The following ANKRD44 variants were observed in gnomAD, a reference collection of about 807,000 sequenced individuals.
ANKRD44 encodes ankyrin repeat domain 44, also known as serine/threonine-protein phosphatase 6 regulatory ankyrin repeat subunit B.
A neutral mutation model predicts 116.0 loss-of-function variants in ANKRD44; 35 were observed. The ratio of observed to expected loss-of-function variants is 0.30; its 90% CI spans 0.23 to 0.40. The LOEUF is 0.40. ANKRD44 is among the 10% of genes least tolerant of loss of function. The pLI is 1.00. For synonymous variants in ANKRD44, 435 were observed against 461.8 expected (o/e 0.94, Z 0.74); for missense variants, 1,014 against 1,242.6 (o/e 0.82, Z 2.77).
At chr2:197,219,218 T>G (rs2081528450) in intron 1 of ANKRD44, among the ~76,000 whole-genome samples, 1 of 151,966 alleles carries the variant, frequency 6.6e-6, no homozygotes, top group Non-Finnish European at 1.5e-5. Context: ...TACAGGCATA[T>G]GCCACCACAT....
At chr2:197,139,718 A>G (rs2079310624) in intron 3 of ANKRD44, among the ~76,000 whole-genome samples, 2 of 152,126 alleles carry the variant, frequency 1.3e-5, no homozygotes, top group South Asian at 2.1e-4. Context: ...ATGGATATTC[A>G]CTATATTATT....
chr2:197,244,408 A>G (rs989209078), intron 1 of ANKRD44, among the ~76,000 whole-genome samples: 4 of 152,250 alleles, frequency 2.6e-5, no homozygotes, highest in Non-Finnish European at 5.9e-5. Context: ...ACTGGTCAGT[A>G]TATAAGCAGC....
intron 2 of ANKRD44, among the ~76,000 whole-genome samples, chr2:197,152,178 G>A (rs1221094643): frequency 6.6e-6 from 1 of 152,168 alleles, no homozygotes. Context: ...TATAGTGGCC[G>A]AGCTAAGTGC....
At chr2:197,255,130 C>A (rs1214668987) in intron 1 of ANKRD44, among the ~76,000 whole-genome samples, 1 of 152,150 alleles carries the variant, frequency 6.6e-6, no homozygotes, top group Non-Finnish European at 1.5e-5. Context: ...CCATATGTTC[C>A]ACAACTATGG....
chr2:196,996,902 CAAAAAA>C (rs55760106), intron 25 of ANKRD44, among the ~76,000 whole-genome samples: 2 of 88,982 alleles, frequency 2.2e-5, no homozygotes, highest in East Asian at 6.2e-4. Context: ...GACTCTGCCT[CAAAAAA>C]AAAAAAAAAA....
intron 16 of ANKRD44, among the ~76,000 whole-genome samples, chr2:197,042,337 C>T (rs1298156163): frequency 6.6e-6 from 1 of 152,124 alleles, no homozygotes; most frequent in Non-Finnish European, 1.5e-5. Flanking sequence ...CAGTCCTACT[C>T]CTGTTACCTT....
chr2:197,139,422 C>T (rs541544210), intron 3 of ANKRD44, among the ~76,000 whole-genome samples: 18 of 152,168 alleles, frequency 1.2e-4, no homozygotes, highest in African/African-American at 4.1e-4. Context: ...CAGAATTATA[C>T]CTATGGCATA....
intron 2 of ANKRD44, among the ~76,000 whole-genome samples, chr2:197,170,207 A>AAAAC (rs2080198855): frequency 6.7e-6 from 1 of 148,918 alleles, no homozygotes; most frequent in Non-Finnish European, 1.5e-5. Flanking sequence ...AAAAAAAAAA[A>AAAAC]AAAAAAACTG....
At chr2:196,967,912 A>ACTCTCTCT (rs35734167) in intron 21 of ANKRD44, among the ~76,000 whole-genome samples, 1,471 of 140,878 alleles carry the variant, frequency 0.01, 26 homozygotes, top group African/African-American at 0.03. Flanking sequence ...ATGGCTTGGC[A>ACTCTCTCT]CTCTCTCTCT....
rs2078948926 is a variant in ANKRD44, at chr2:197,125,259, T to C, written c.550+122A>G. On this transcript the variant is annotated intron_variant, in intron 6 of 27. Coordinates refer to ENST00000282272, the MANE Select transcript of ANKRD44 (RefSeq NM_001195144.2). Reference sequence around the variant, plus strand: ...CCAGTAAAACCAACCAAATCTTCATTCAATTGCAACCCAAGCTTGAAAAGA... The same window carrying C: ...CCAGTAAAACCAACCAAATCTTCATCCAATTGCAACCCAAGCTTGAAAAGA... 10 of 895,618 alleles carry C rather than the reference T, an allele frequency of 1.1e-5. No homozygotes were observed. In the South Asian group the frequency reaches 1.3e-4, roughly 12 times the overall value. 55.5% of individuals were successfully genotyped at this position (895,618 alleles called of 1,614,324 possible). A position where few individuals can be genotyped will look rare whatever the true frequency, so the allele number is the denominator to read the frequency against.
At chr2:197,106,143 TA>T (rs2078421177) in intron 9 of ANKRD44, among the ~76,000 whole-genome samples, 1 of 152,136 alleles carries the variant, frequency 6.6e-6, no homozygotes, top group East Asian at 1.9e-4. Flanking sequence ...CTTAAAACTG[TA>T]AAAATATAGA....
At chr2:197,060,737 G>T (rs1187018742) in intron 16 of ANKRD44, among the ~76,000 whole-genome samples, 1 of 152,086 alleles carries the variant, frequency 6.6e-6, no homozygotes, top group Non-Finnish European at 1.5e-5. Context: ...CTGTTTTTAT[G>T]AGTTCAACTT....
intron 1 of ANKRD44, among the ~76,000 whole-genome samples, chr2:197,292,356 T>C (rs1205573446): frequency 6.6e-6 from 1 of 152,226 alleles, no homozygotes. Context: ...GACTTTTTAA[T>C]GATCGCCATT....
intron 4 of ANKRD44, chr2:197,134,106 AC>A (rs1254380718): frequency 6.6e-6 from 1 of 151,786 alleles, no homozygotes. Flanking sequence ...GGCATGCGCC[AC>A]CATGCCCAGC....
At chr2:197,159,968 C>T (rs983144617) in intron 2 of ANKRD44, among the ~76,000 whole-genome samples, 22 of 152,204 alleles carry the variant, frequency 1.4e-4, no homozygotes, top group African/African-American at 5.1e-4. Flanking sequence ...CTCCTCACAG[C>T]ATTTTGGAGG....
At position 197,007,876 on chromosome 2, in the gene ANKRD44, G is replaced by A; in HGVS notation, c.2060C>T (p.Ser687Leu). The stretch of plus-strand genomic sequence containing the variant: ...GTTGGCTTCCTTTTCAAGTAACAAT[G>A]AAACAGCGTCAATATGTCCATATGC... ...AVAYGHIDAV[S>L]LLLEKEANVD... Residue 687 changes from serine (S) to leucine (L), a missense_variant, in exon 20 of 28, where the codon TCA (serine) becomes TTA (leucine). Transcript: ENST00000282272. 1 of 1,614,024 alleles carries A rather than the reference G, an allele frequency of 6.2e-7. No homozygotes were observed. The highest frequency in any genetic ancestry group is 1.1e-5 in the South Asian group (1 of 91,076).
intron 1 of ANKRD44, among the ~76,000 whole-genome samples, chr2:197,233,342 T>G (rs987297286): frequency 6.6e-6 from 1 of 152,202 alleles, no homozygotes; most frequent in Non-Finnish European, 1.5e-5. Flanking sequence ...AAATGATCAA[T>G]GTGCCTCTCA....
chr2:197,186,619 T>C (rs1049547852), intron 2 of ANKRD44, among the ~76,000 whole-genome samples: 1 of 77,090 alleles, frequency 1.3e-5, no homozygotes, highest in Non-Finnish European at 2.2e-5. Context: ...TTTCTTTTTT[T>C]TTTTTTTTTT....
At chr2:197,077,526 T>C (rs1358570906) in intron 16 of ANKRD44, among the ~76,000 whole-genome samples, 2 of 152,088 alleles carry the variant, frequency 1.3e-5, no homozygotes, top group Admixed American at 6.6e-5. Context: ...TTGGGAGGGG[T>C]TGGGGCATAA....
Sources: gnomAD v4.1 joint callset for allele counts (sites outside exome capture counted in the v4.1 genomes callset) on GRCh38, gnomAD v4.1.1 for gene constraint, MANE v1.5 for transcripts, NCBI Gene and HGNC (gene_info 2026-07-23, HGNC 2026-07-21) for gene names.